The following TENM2 variants were observed in gnomAD, a reference collection of about 807,000 sequenced individuals.
TENM2 encodes teneurin transmembrane protein 2.
In TENM2, 52 loss-of-function variants were observed where a neutral mutation model predicts 245.2. The ratio of observed to expected loss-of-function variants is 0.21; its 90% confidence interval spans 0.17 to 0.27. The LOEUF is 0.27. TENM2 is among the 10% of genes least tolerant of loss of function. TENM2 has a pLI of 1.00. For missense variants in TENM2, 3,046 were observed against 3,666.8 expected, an observed-to-expected ratio of 0.83 and a Z score of 4.37; for synonymous variants, 1,363 against 1,438.9, an observed-to-expected ratio of 0.95 and a Z score of 1.19.
chr5:167,896,584 GA>G (rs1329546112), intron 3 of TENM2, among the ~76,000 whole-genome samples: 1 of 152,142 alleles, frequency 6.6e-6, no homozygotes, highest in Non-Finnish European at 1.5e-5. Flanking sequence ...TCTAGGAAGA[GA>G]AATAAAACAT....
intron 2 of TENM2, among the ~76,000 whole-genome samples, chr5:167,714,261 G>A (rs539371662): frequency 7.2e-5 from 11 of 152,260 alleles, no homozygotes; most frequent in African/African-American, 2.2e-4. Context: ...CCCATGGTGC[G>A]GTTTTCTTTG....
chr5:167,747,379 G>C (rs1346317833), intron 2 of TENM2, among the ~76,000 whole-genome samples: 3 of 152,032 alleles, frequency 2.0e-5, no homozygotes, highest in Admixed American at 2.0e-4. Flanking sequence ...ATCAAGGCTG[G>C]GTAACCTCAT....
At chr5:167,528,915 A>G (rs540116742) in intron 2 of TENM2, among the ~76,000 whole-genome samples, 2 of 152,242 alleles carry the variant, frequency 1.3e-5, no homozygotes, top group South Asian at 2.1e-4. Context: ...GAAATTCTAT[A>G]CTATATATTC....
rs2546949 is a variant in TENM2 at position 168,006,808 on chromosome 5, G to T, written c.1186+13626G>T. Among the ~76,000 whole-genome samples, 360 of 152,248 alleles carry T rather than the reference G, an allele frequency of 2.4e-3. 1 individual carries two copies. Among genetic ancestry groups the T allele is most frequent in the African/African-American group, 8.4e-3 (350 of 41,550 alleles). On this transcript the variant is annotated intron_variant, in intron 5 of 28. Transcript: ENST00000518659. ...TTATTTTAGAGAAGAGAGAAAGGTC[G>T]CTTTCTCCTGCTTAAGTCAGGATTA...
the TENM2 span, among the ~76,000 whole-genome samples, chr5:167,007,467 A>C: frequency 6.6e-6 from 1 of 152,236 alleles, no homozygotes; most frequent in Non-Finnish European, 1.5e-5. This position sits in a 1 kb window ranked among gnomAD's most constrained non-coding sequence, Gnocchi z 4.2. Context: ...GCAAAAGTAC[A>C]AAAGTATCAA....
the TENM2 span, among the ~76,000 whole-genome samples, chr5:167,245,781 C>G: frequency 6.6e-6 from 1 of 152,078 alleles, no homozygotes; most frequent in African/African-American, 2.4e-5. Context: ...TAATTTGGGT[C>G]TTACAAATGA....
At chr5:167,758,854 C>T (rs936527570) in intron 2 of TENM2, among the ~76,000 whole-genome samples, 2 of 151,948 alleles carry the variant, frequency 1.3e-5, no homozygotes, top group Admixed American at 1.3e-4. Flanking sequence ...CATCTGCTTT[C>T]ATGCTAGGAC....
intron 2 of TENM2, among the ~76,000 whole-genome samples, chr5:167,635,633 CTTTTTTTTTTTTT>C (rs76155764): frequency 4.0e-5 from 3 of 74,962 alleles, no homozygotes; most frequent in East Asian, 5.8e-4. Flanking sequence ...TCAGTACAGT[CTTTTTTTTTTTTT>C]TTTTTTTTTT....
At chr5:167,153,098 T>C in the TENM2 span, among the ~76,000 whole-genome samples, 2 of 147,354 alleles carry the variant, frequency 1.4e-5, no homozygotes, top group Non-Finnish European at 3.0e-5. Flanking sequence ...AATGAATACA[T>C]ACACACACAC....
At chr5:167,106,477 G>A in the TENM2 span, among the ~76,000 whole-genome samples, 1 of 152,232 alleles carries the variant, frequency 6.6e-6, no homozygotes, top group Non-Finnish European at 1.5e-5. Context: ...GAAGAACTTA[G>A]CTGATTGGGA....
chr5:167,739,092 T>C (rs1426509176), intron 2 of TENM2, among the ~76,000 whole-genome samples: 2 of 152,180 alleles, frequency 1.3e-5, no homozygotes, highest in African/African-American at 4.8e-5. Flanking sequence ...CGAGTTAAAG[T>C]TATTCCTTGC....
At chr5:167,119,056 T>C in the TENM2 span, among the ~76,000 whole-genome samples, 5 of 152,212 alleles carry the variant, frequency 3.3e-5, no homozygotes, top group African/African-American at 1.2e-4. Context: ...ACATCCCCAC[T>C]TCACTCCCTG....
At chr5:167,958,098 G>T (rs1001797624) in intron 4 of TENM2, among the ~76,000 whole-genome samples, 7 of 152,110 alleles carry the variant, frequency 4.6e-5, no homozygotes, top group Admixed American at 3.3e-4. Flanking sequence ...TTATTATTGC[G>T]TGGGAGTCTA....
At chr5:167,795,898 G>T (rs550967663) in intron 2 of TENM2, among the ~76,000 whole-genome samples, 5 of 152,298 alleles carry the variant, frequency 3.3e-5, no homozygotes, top group African/African-American at 1.2e-4. Flanking sequence ...AATAAGGAGA[G>T]AAATAAGATG....
At chr5:168,159,384 C>T (rs560595918) in intron 12 of TENM2, among the ~76,000 whole-genome samples, 1 of 152,122 alleles carries the variant, frequency 6.6e-6, no homozygotes, top group Non-Finnish European at 1.5e-5. Context: ...ATCCAGAAGA[C>T]TTCCTATAGG....
At chr5:167,264,736 A>T in the TENM2 span, among the ~76,000 whole-genome samples, 2 of 152,164 alleles carry the variant, frequency 1.3e-5, no homozygotes, top group African/African-American at 2.4e-5. Context: ...TTGTCCAACC[A>T]GGCCATGTAT....
At chr5:168,019,400 G>A (rs1331395349) in intron 5 of TENM2, among the ~76,000 whole-genome samples, 1 of 152,180 alleles carries the variant, frequency 6.6e-6, no homozygotes, top group Non-Finnish European at 1.5e-5. Context: ...CCATTCCAAA[G>A]CCCAGAAAGA....
chr5:167,650,575 T>C (rs1402387552), intron 2 of TENM2, among the ~76,000 whole-genome samples: 1 of 152,164 alleles, frequency 6.6e-6, no homozygotes, highest in African/African-American at 2.4e-5. Context: ...AGTCATTTCT[T>C]TGGCAACATG....
At chr5:168,198,727 GC>G (rs1204523442) in intron 15 of TENM2, 125 bp from the exon 18 acceptor site, 2 of 1,222,306 alleles carry the variant, frequency 1.6e-6, no homozygotes, top group Non-Finnish European at 2.3e-6. Context: ...CCACCTGTCT[GC>G]CTCCAAAGCC....
Sources: allele counts gnomAD v4.1 joint callset (sites outside exome capture counted in the v4.1 genomes callset), GRCh38; gene constraint gnomAD v4.1.1; non-coding constraint Gnocchi (gnomAD v3.1); transcripts MANE v1.5; gene names NCBI Gene and HGNC (gene_info 2026-07-23, HGNC 2026-07-21).